The following NLRP5 variants were observed in gnomAD, a reference collection of about 807,000 sequenced individuals.
NLRP5 encodes NLR family pyrin domain containing 5.
In NLRP5, 93 loss-of-function variants were observed where a neutral mutation model predicts 113.1. That is an observed-to-expected ratio of 0.82 (90% CI 0.70 to 0.98). The LOEUF (loss-of-function observed/expected upper bound fraction) is 0.98, where lower values mean the gene tolerates loss of function less well. NLRP5 is among the 50% of genes least tolerant of loss of function. The pLI is 0.00. For synonymous variants in NLRP5, 751 were observed against 600.7 expected (o/e 1.25, Z -3.66); for missense variants, 1,808 against 1,514.3 (o/e 1.19, Z -3.22).
intron 9 of NLRP5, among the ~76,000 whole-genome samples, chr19:56,035,519 A>C (rs998303117): frequency 6.6e-6 from 1 of 152,238 alleles, no homozygotes; most frequent in Admixed American, 6.5e-5. Flanking sequence ...TTAGATTCAA[A>C]GAATAAATAA....
rs10853883 is a variant in NLRP5 at position 56,029,952 on chromosome 19, C to T, written c.2276+1443C>T. 2.5e-3 allele frequency among the ~76,000 whole-genome samples: 376 copies of T among 150,624 alleles called. 1 individual carries two copies. The highest frequency in any genetic ancestry group is 3.4e-3 in the Non-Finnish European group (231 of 67,660). Reference sequence around the variant, plus strand: ...CACCTGTAATCCCAGCTACTCAGGACGTTGAGGCAGGAGAATTGCCTGAAC... The same window carrying T: ...CACCTGTAATCCCAGCTACTCAGGATGTTGAGGCAGGAGAATTGCCTGAAC... On this transcript the variant is annotated intron_variant, in intron 7 of 14. Coordinates refer to ENST00000390649, the MANE Select transcript of NLRP5 (RefSeq NM_153447.4).
chr19:56,041,180 G>A lies in NLRP5; in HGVS notation c.2957+88G>A, dbSNP rs150501753. 322 of 1,291,570 alleles carry A rather than the reference G, an allele frequency of 2.5e-4. 2 individuals carry two copies. The Middle Eastern group carries it at 4.2e-3, about 17-fold the overall frequency. 80.0% of individuals were successfully genotyped at this position (1,291,570 alleles called of 1,614,324 possible). Reference sequence around the variant, plus strand: ...TCAAAGCAGAAGGCAGTGGGGAGGGGGTGTGGACATCATCACATGAAGGGA... The same window carrying A: ...TCAAAGCAGAAGGCAGTGGGGAGGGAGTGTGGACATCATCACATGAAGGGA... On this transcript the variant is annotated intron_variant, in intron 11 of 14. Transcript: ENST00000390649.
At chr19:56,061,251 A>G in intron 14 of NLRP5, 145 bp from the exon 15 acceptor site, 1 of 687,516 alleles carries the variant, frequency 1.5e-6, no homozygotes, top group Admixed American at 3.6e-5. Context: ...ATAATTTGTT[A>G]GTCATTGGTT....
chr19:56,055,222 C>T (rs1375937349), intron 13 of NLRP5, among the ~76,000 whole-genome samples: 2 of 151,858 alleles, frequency 1.3e-5, no homozygotes. Flanking sequence ...AAACTTCTGA[C>T]CTCAAGTGAT....
At chr19:55,989,557 T>C in the NLRP5 span, among the ~76,000 whole-genome samples, 44 of 152,280 alleles carry the variant, frequency 2.9e-4, no homozygotes, top group Non-Finnish European at 4.3e-4. Flanking sequence ...CCGGCCTTTT[T>C]CAGTATTAAT....
intron 8 of NLRP5, among the ~76,000 whole-genome samples, chr19:56,033,191 C>G (rs541535276): frequency 6.6e-6 from 1 of 152,214 alleles, no homozygotes; most frequent in Admixed American, 6.5e-5. Flanking sequence ...GTGGAGGTTG[C>G]AGTGAGCCAA....
rs779756665 is a variant in NLRP5, at chr19:56,027,775, C to A, written c.1542C>A (p.Gly514=). ...TGTTTCATCAGCTCACCCCTCGAGG[C>A]GTGGTCCGGCGCTGTCTCAATCTGG... The change falls in exon 7 of 15, where the codon GGC becomes GGA. Residue 514 remains glycine, a synonymous_variant. Transcript: ENST00000390649. The A allele has an allele frequency of 3.1e-6, 5 of 1,613,990 alleles. No individual in the cohort carries two copies. In the East Asian group the frequency reaches 6.7e-5, roughly 22 times the overall value.
intron 2 of NLRP5, among the ~76,000 whole-genome samples, chr19:56,006,715 G>C (rs1462972199): frequency 6.6e-6 from 1 of 151,750 alleles, no homozygotes; most frequent in Admixed American, 6.6e-5. Flanking sequence ...CTGGGTGACA[G>C]AGCGAGACTC....
At chr19:55,988,126 C>T in the NLRP5 span, 10 of 447,066 alleles carry the variant, frequency 2.2e-5, no homozygotes, top group African/African-American at 4.0e-5. Flanking sequence ...GGCGTGGTGG[C>T]TCACGCCTGT....
chr19:55,988,885 C>T, the NLRP5 span, among the ~76,000 whole-genome samples: 1 of 152,032 alleles, frequency 6.6e-6, no homozygotes, highest in African/African-American at 2.4e-5. Context: ...TCCATGTATC[C>T]AGGTGGTTTA....
At position 56,055,533 on chromosome 19, in the gene NLRP5, C is replaced by CTTTTTTTTTTTTTTTTTT. The variant is rs1491011983; in HGVS notation, c.3299+1726_3299+1727insTTTTTTTTTTTTTTTTTT. 2.2e-4 allele frequency among the ~76,000 whole-genome samples: 22 copies of CTTTTTTTTTTTTTTTTTT among 99,546 alleles called. 2 individuals carry two copies. Among genetic ancestry groups the CTTTTTTTTTTTTTTTTTT allele is most frequent in the Middle Eastern group, 7.6e-3 (1 of 132 alleles). The allele number at this position is 99,546 out of a possible 152,430, so 65.3% of individuals were successfully genotyped here. A position where few individuals can be genotyped will look rare whatever the true frequency, so the allele number is the denominator to read the frequency against. On this transcript the variant is annotated intron_variant, in intron 13 of 14. Coordinates refer to ENST00000390649, the MANE Select transcript of NLRP5 (RefSeq NM_153447.4). ...AGCTCCATGTTCTATTTTTCTTTCT[C>CTTTTTTTTTTTTTTTTTT]TGTCTTTTTTTTTTTTTTTTTTTTT...
intron 9 of NLRP5, among the ~76,000 whole-genome samples, chr19:56,037,808 C>G (rs966204845): frequency 1.3e-5 from 2 of 151,778 alleles, no homozygotes; most frequent in Non-Finnish European, 2.9e-5. Flanking sequence ...AGGCGACCTT[C>G]AAGAGACATG....
At chr19:56,000,312 T>C (rs1981591646) in intron 1 of NLRP5, among the ~76,000 whole-genome samples, 1 of 152,242 alleles carries the variant, frequency 6.6e-6, no homozygotes, top group African/African-American at 2.4e-5. Flanking sequence ...CATGATAACA[T>C]GTTTCCTGTG....
At position 56,028,012 on chromosome 19, in the gene NLRP5, C is replaced by T. The variant is rs1419535342; in HGVS notation, c.1779C>T (p.Ala593=). 5 of 1,613,912 alleles carry T rather than the reference C, an allele frequency of 3.1e-6. No individual in the cohort carries two copies. In the Admixed American group the frequency reaches 8.3e-5, roughly 27 times the overall value. The change falls in exon 7 of 15, where the codon GCC becomes GCT. Residue 593 remains alanine, a synonymous_variant. Transcript: ENST00000390649. Reference sequence around the variant, plus strand: ...TCAGTCTCCAGGACTTCTGTGCCGCCTTGTACTACGTGTTAGAGGGCCTGG... The same window carrying T: ...TCAGTCTCCAGGACTTCTGTGCCGCTTTGTACTACGTGTTAGAGGGCCTGG...
At chr19:56,051,232 G>A (rs1983921640) in intron 12 of NLRP5, among the ~76,000 whole-genome samples, 1 of 152,008 alleles carries the variant, frequency 6.6e-6, no homozygotes, top group Admixed American at 6.6e-5. Flanking sequence ...TTGCTCTGTT[G>A]CCCAGGCTAG....
intron 11 of NLRP5, among the ~76,000 whole-genome samples, chr19:56,043,790 G>C (rs1001132030): frequency 6.6e-6 from 1 of 151,578 alleles, no homozygotes; most frequent in Non-Finnish European, 1.5e-5. Flanking sequence ...CGTTAGCCAG[G>C]ATGGTCTCGA....
intron 7 of NLRP5, among the ~76,000 whole-genome samples, chr19:56,032,261 C>G (rs1286107651): frequency 1.3e-5 from 2 of 151,970 alleles, no homozygotes; most frequent in African/African-American, 4.8e-5. Flanking sequence ...AGGAGAATCG[C>G]TCGAACCCAG....
rs756864732 is a variant in NLRP5, at chr19:56,003,892, T to A, written c.239T>A (p.Phe80Tyr). The change falls in exon 2 of 15, where the codon TTC (phenylalanine) becomes TAC (tyrosine). Residue 80 changes from phenylalanine to tyrosine, a missense_variant. Physicochemically the swap from Phe to Tyr is conservative, Grantham distance 22. Transcript: ENST00000390649. ...CTAGACAAGGAAGAATTTCAGACAT[T>A]CAAGGAATTACTAAAGAAGAAATCT... 1.2e-6 allele frequency: 2 copies of A among 1,613,956 alleles called. No individual in the cohort carries two copies. The highest frequency in any genetic ancestry group is 1.7e-6 in the Non-Finnish European group (2 of 1,179,886).
intron 11 of NLRP5, among the ~76,000 whole-genome samples, chr19:56,049,133 C>A (rs150485243): frequency 0.029 from 4,245 of 148,826 alleles, 80 homozygotes; most frequent in African/African-American, 0.039. Context: ...AGGTGTGTGC[C>A]GCCACACCCA....
Sources: allele counts gnomAD v4.1 joint callset (sites outside exome capture counted in the v4.1 genomes callset), GRCh38; gene constraint gnomAD v4.1.1; transcripts MANE v1.5; gene names NCBI Gene and HGNC (gene_info 2026-07-23, HGNC 2026-07-21).